Variants in ZNF385C observed in about 807,000 individuals in gnomAD.
ZNF385C encodes the protein zinc finger protein 385C, also known as CTD-2132N18.2.
A neutral mutation model predicts 35.4 loss-of-function variants in ZNF385C; 28 were observed. The observed-to-expected ratio is 0.79, with a 90% CI of 0.59 to 1.08. The LOEUF is 1.08. Ranked by LOEUF, ZNF385C falls within the 50% of genes least tolerant of loss-of-function variation. The pLI is 0.00. For missense variants in ZNF385C, 605 were observed against 595.6 expected, an observed-to-expected ratio of 1.02 and a Z score of -0.16; for synonymous variants, 248 against 248.2, an observed-to-expected ratio of 1.00 and a Z score of 0.01.
At chr17:42,083,608 G>A (rs1326324381) in intron 1 of ZNF385C, among the ~76,000 whole-genome samples, 2 of 147,376 alleles carry the variant, frequency 1.4e-5, no homozygotes, top group African/African-American at 5.0e-5. Context: ...AGAAAATCCT[G>A]TGTTGTCTTT....
At chr17:42,052,725 T>C (rs2053306154) in intron 2 of ZNF385C, among the ~76,000 whole-genome samples, 2 of 152,134 alleles carry the variant, frequency 1.3e-5, no homozygotes, top group Admixed American at 1.3e-4. Context: ...TTCACAAAGA[T>C]AGATGCATGT....
chr17:42,032,374 AG>A (rs2052750929), intron 4 of ZNF385C, among the ~76,000 whole-genome samples: 1 of 152,034 alleles, frequency 6.6e-6, no homozygotes, highest in African/African-American at 2.4e-5. Flanking sequence ...CTACATCTTT[AG>A]GCAAGTAACA....
chr17:42,097,870 TC>T (rs1175028124), intron 1 of ZNF385C, among the ~76,000 whole-genome samples: 1 of 152,150 alleles, frequency 6.6e-6, no homozygotes, highest in Non-Finnish European at 1.5e-5. Flanking sequence ...ATCGGGGTAA[TC>T]CCCTGCTCAC....
chr17:42,091,657 C>G (rs2053864233), intron 1 of ZNF385C, among the ~76,000 whole-genome samples: 1 of 152,182 alleles, frequency 6.6e-6, no homozygotes, highest in Non-Finnish European at 1.5e-5. Context: ...TCTCCACCCC[C>G]ACACCTCATC....
intron 5 of ZNF385C, among the ~76,000 whole-genome samples, chr17:42,030,130 C>G (rs571436645): frequency 1.1e-4 from 17 of 151,936 alleles, no homozygotes; most frequent in Admixed American, 1.1e-3. Flanking sequence ...TACAGCTACA[C>G]GCAAAAACAT....
intron 2 of ZNF385C, chr17:42,040,480 A>G: frequency 1.6e-6 from 2 of 1,232,254 alleles, no homozygotes; most frequent in Non-Finnish European, 1.0e-6. Context: ...TTCTGCCTGC[A>G]GGACAAGGGA....
At chr17:42,056,420 G>A (rs781920249) in intron 2 of ZNF385C, among the ~76,000 whole-genome samples, 12 of 152,346 alleles carry the variant, frequency 7.9e-5, no homozygotes, top group Middle Eastern at 3.4e-3. Context: ...AATATATGCT[G>A]TTCTCCTCAG....
rs993029293 is a variant in ZNF385C, at chr17:42,092,720, C to T, written c.-3+5690G>A. On this transcript the variant is annotated intron_variant, in intron 1 of 8. Coordinates refer to ENST00000692273, the MANE Select transcript of ZNF385C (RefSeq NM_001392013.1). ...AACCCAAGGGTTCCTGTTCCCAGTG[C>T]CTTTTCCTGGCATTTCCTCTCCTCT... Among the ~76,000 whole-genome samples the T allele has an allele frequency of 2.0e-5, 3 of 152,332 alleles. No individual in the cohort carries two copies. In the East Asian group the frequency reaches 5.8e-4, roughly 29 times the overall value.
At chr17:42,047,616 G>A (rs995502306) in intron 2 of ZNF385C, among the ~76,000 whole-genome samples, 1 of 152,066 alleles carries the variant, frequency 6.6e-6, no homozygotes, top group Non-Finnish European at 1.5e-5. Context: ...GCAAGGAAAG[G>A]CTGCCAGATG....
chr17:42,045,845 C>G (rs2053148927), intron 2 of ZNF385C, among the ~76,000 whole-genome samples: 1 of 152,202 alleles, frequency 6.6e-6, no homozygotes, highest in African/African-American at 2.4e-5. Context: ...CTGCCTAAGT[C>G]TACACACCTA....
chr17:42,055,366 G>C (rs6503684), intron 2 of ZNF385C, among the ~76,000 whole-genome samples: 118,177 of 151,520 alleles, frequency 0.78, 46,810 homozygotes, highest in South Asian at 0.86. Context: ...CCCTAATTCT[G>C]TACCCAGACA....
rs782002985 is a variant in ZNF385C at position 42,026,985 on chromosome 17, G to T, written c.1424C>A (p.Pro475Gln). The T allele has an allele frequency of 6.2e-7, 1 of 1,611,216 alleles. No homozygotes were observed. Among genetic ancestry groups the T allele is most frequent in the Admixed American group, 1.7e-5 (1 of 59,750 alleles). Residue 475 changes from proline (P) to glutamine (Q), a missense_variant, in exon 9 of 9, where the codon CCG becomes CAG. Pro to Gln is a moderately conservative substitution (Grantham distance 76). Coordinates refer to ENST00000692273, the MANE Select transcript of ZNF385C (RefSeq NM_001392013.1). ...PAPTAATTLF[P>Q]APILGPALFR... ...CAGAGCTGGGCCCAGGATGGGAGCC[G>T]GGAAGAGGGTAGTGGCTGCTGTAGG...
At chr17:42,057,814 G>T (rs1369295612) in intron 2 of ZNF385C, among the ~76,000 whole-genome samples, 1 of 152,054 alleles carries the variant, frequency 6.6e-6, no homozygotes, top group Non-Finnish European at 1.5e-5. Flanking sequence ...ATGGTGGCAG[G>T]TGCCTGTAAT....
chr17:42,078,992 A>G (rs2053714780), intron 1 of ZNF385C, among the ~76,000 whole-genome samples: 1 of 152,010 alleles, frequency 6.6e-6, no homozygotes, highest in Non-Finnish European at 1.5e-5. Context: ...GGTAACAACA[A>G]TGCCTAATAA....
rs79376406 is a variant in ZNF385C, at chr17:42,080,761, C to A, written c.-3+17649G>T. Among the ~76,000 whole-genome samples, 142 of 152,324 alleles carry A rather than the reference C, an allele frequency of 9.3e-4. 1 individual carries two copies. The East Asian group carries it at 0.025, about 26-fold the overall frequency. ...ACCAGCTGAGAGGTTCCAAGAAACG[C>A]CCTGAGGACAGGCTGTGTCAACATG... On this transcript the variant is annotated intron_variant, in intron 1 of 8. Coordinates refer to ENST00000692273, the MANE Select transcript of ZNF385C (RefSeq NM_001392013.1).
intron 2 of ZNF385C, among the ~76,000 whole-genome samples, chr17:42,041,853 G>A (rs145573097): frequency 2.0e-5 from 3 of 152,140 alleles, no homozygotes; most frequent in Non-Finnish European, 4.4e-5. Context: ...GGGGCCATGT[G>A]AGTGATATTG....
chr17:42,055,210 A>G (rs868942860), intron 2 of ZNF385C, among the ~76,000 whole-genome samples: 3 of 152,204 alleles, frequency 2.0e-5, no homozygotes, highest in African/African-American at 7.2e-5. Context: ...GCAGCTCCTG[A>G]AAACAGGTTT....
intron 1 of ZNF385C, among the ~76,000 whole-genome samples, chr17:42,074,394 ATT>A (rs112306488): frequency 2.1e-5 from 3 of 145,860 alleles, no homozygotes; most frequent in Admixed American, 1.4e-4. Flanking sequence ...GTTACTAAAG[ATT>A]TTTTTTTTTT....
At chr17:42,028,605 T>A in intron 6 of ZNF385C, 178 bp downstream of exon 6, 2 of 793,162 alleles carry the variant, frequency 2.5e-6, no homozygotes, top group African/African-American at 1.7e-5. Flanking sequence ...TTCCCAATTC[T>A]CCTTCCCCAA....
Sources: gnomAD v4.1 joint callset for allele counts (sites outside exome capture counted in the v4.1 genomes callset) on GRCh38, gnomAD v4.1.1 for gene constraint, MANE v1.5 for transcripts, NCBI Gene and HGNC (gene_info 2026-07-23, HGNC 2026-07-21) for gene names.